The following WDR49 variants were observed in gnomAD, a reference collection of about 807,000 sequenced individuals.
WDR49 encodes cilia- and flagella-associated protein 337.
Under a neutral mutation model 119.5 loss-of-function variants are expected in WDR49, and 107 were observed. The observed-to-expected ratio is 0.90, with a 90% CI of 0.77 to 1.05. WDR49 has a LOEUF of 1.05. WDR49 is among the 50% of genes least tolerant of loss of function. The pLI is 0.00. For synonymous variants in WDR49, 425 were observed against 418.8 expected (o/e 1.01, Z -0.18); for missense variants, 1,240 against 1,220.5 (o/e 1.02, Z -0.24).
At chr3:167,609,179 G>A (rs991748367) in intron 5 of WDR49, among the ~76,000 whole-genome samples, 2 of 150,742 alleles carry the variant, frequency 1.3e-5, no homozygotes, top group Admixed American at 6.6e-5. Context: ...CCCCTGCAAG[G>A]ACACCAAGTT....
chr3:167,635,028 C>A (rs1391526016), intron 2 of WDR49, among the ~76,000 whole-genome samples: 1 of 151,538 alleles, frequency 6.6e-6, no homozygotes, highest in Non-Finnish European at 1.5e-5. Context: ...AATGGCTGCA[C>A]AATATTTTAT....
chr3:167,644,180 G>T (rs966074142), intron 2 of WDR49, among the ~76,000 whole-genome samples: 9 of 151,462 alleles, frequency 5.9e-5, no homozygotes, highest in Non-Finnish European at 1.2e-4. Flanking sequence ...TGAGTATAAG[G>T]ACATAGTATC....
chr3:167,553,022 C>A (rs1712665942), intron 10 of WDR49, among the ~76,000 whole-genome samples: 3 of 152,020 alleles, frequency 2.0e-5, no homozygotes. Flanking sequence ...GCTTAACGGT[C>A]CATCCTCCTG....
intron 5 of WDR49, among the ~76,000 whole-genome samples, chr3:167,607,608 AC>A (rs2108310942): frequency 6.6e-6 from 1 of 152,104 alleles, no homozygotes; most frequent in African/African-American, 2.4e-5. Flanking sequence ...ATGAGACTGA[AC>A]CCAGTCCTGT....
At chr3:167,596,369 G>A (rs1369566397) in intron 7 of WDR49, among the ~76,000 whole-genome samples, 31 of 149,474 alleles carry the variant, frequency 2.1e-4, no homozygotes, top group African/African-American at 7.1e-4. Context: ...CCCATTACTG[G>A]GTATATACCC....
At position 167,626,923 on chromosome 3, in the gene WDR49, T is replaced by G; in HGVS notation, c.535A>C (p.Ile179Leu). ...TTGAGCTTGGTGGCATCTGAAGTGA[T>G]GGGGAATGTTTCTTGCAGCTTTAAA... ...EHLKLQETFPITSDATKLKHL... is the reference protein window; with the variant it reads ...EHLKLQETFPLTSDATKLKHL... The change falls in exon 3 of 19, where the codon ATC (isoleucine) becomes CTC (leucine). Residue 179 changes from isoleucine (I) to leucine (L), a missense_variant. Ile to Leu is a conservative substitution (Grantham distance 5). Transcript: ENST00000682715. 1 of 1,294,930 alleles carries G rather than the reference T, an allele frequency of 7.7e-7. No homozygotes were observed. Among genetic ancestry groups the G allele is most frequent in the Non-Finnish European group, 9.8e-7 (1 of 1,022,708 alleles). The allele number at this position is 1,294,930 out of a possible 1,614,324, so 80.2% of individuals were successfully genotyped here.
chr3:167,551,637 C>T (rs61362670), intron 10 of WDR49, among the ~76,000 whole-genome samples: 11,404 of 151,874 alleles, frequency 0.075, 796 homozygotes, highest in African/African-American at 0.18. Flanking sequence ...GCTTCGGTAG[C>T]CTCCCTTGTA....
intron 16 of WDR49, among the ~76,000 whole-genome samples, chr3:167,514,628 GACACACACACACACACACACACACACAC>G (rs59265631): frequency 7.1e-6 from 1 of 140,932 alleles, no homozygotes; most frequent in South Asian, 2.4e-4. Flanking sequence ...AGGAGATGCA[GACACACACACACACACACACACACACAC>G]ACACACACAC....
intron 5 of WDR49, among the ~76,000 whole-genome samples, chr3:167,616,611 TAGAGTCCTATTAAAAAAAAGAGAG>T (rs1336789037): frequency 6.6e-6 from 1 of 150,522 alleles, no homozygotes; most frequent in African/African-American, 2.5e-5. Flanking sequence ...GGCAAATAAT[TAGAGTCCTATTAAAAAAAAGAGAG>T]AGAGAGAGAA....
rs1718502338 is a variant in WDR49, at chr3:167,653,891, G to T, written c.-132C>A. On this transcript the variant is annotated 5_prime_UTR_variant, in exon 1 of 19. Coordinates refer to ENST00000682715, the MANE Select transcript of WDR49 (RefSeq NM_001366157.1). Reference sequence around the variant, plus strand: ...TCCACTTTCTTGTCTGGAAGAGTTAGATGACAAAGCTGCAGAGTTTCCCTA... The same window carrying T: ...TCCACTTTCTTGTCTGGAAGAGTTATATGACAAAGCTGCAGAGTTTCCCTA... 1 of 153,822 alleles carries T rather than the reference G, an allele frequency of 6.5e-6. No individual in the cohort carries two copies. The highest frequency in any genetic ancestry group is 6.4e-5 in the Admixed American group (1 of 15,618). 9.5% of individuals were successfully genotyped at this position (153,822 alleles called of 1,614,324 possible).
Position 167,527,874 on chromosome 3 carries a change from G to A in WDR49, c.2550C>T (p.Asp850=). ...AGACACCAGTCACACAAATACTGCA[G>A]TCTGCAGAGGAGGAGATAATCAGTA... The part of the protein sequence containing the change: ...GQLLIISSSA[D]CSICVTGVCN... The change falls in exon 15 of 19, where the codon GAC becomes GAT. Residue 850 remains aspartate (D), a synonymous_variant. Coordinates refer to ENST00000682715, the MANE Select transcript of WDR49 (RefSeq NM_001366157.1). 1.2e-6 allele frequency: 2 copies of A among 1,613,130 alleles called. No homozygotes were observed. Among genetic ancestry groups the A allele is most frequent in the Non-Finnish European group, 1.7e-6 (2 of 1,179,454 alleles).
intron 16 of WDR49, among the ~76,000 whole-genome samples, chr3:167,508,232 G>C (rs1447716484): frequency 5.9e-5 from 9 of 152,114 alleles, no homozygotes; most frequent in Non-Finnish European, 1.3e-4. Flanking sequence ...ATATTTGATG[G>C]CTTGACTCAG....
At chr3:167,624,380 C>T (rs949516035) in intron 3 of WDR49, among the ~76,000 whole-genome samples, 1 of 151,214 alleles carries the variant, frequency 6.6e-6, no homozygotes, top group Admixed American at 6.6e-5. Context: ...GGAGTACACA[C>T]AGTATGGTAC....
intron 10 of WDR49, among the ~76,000 whole-genome samples, chr3:167,554,255 T>C (rs371214826): frequency 1.2e-4 from 19 of 152,288 alleles, no homozygotes; most frequent in East Asian, 7.7e-4. Flanking sequence ...CAGGACTCAG[T>C]TGGCTATTTC....
At chr3:167,495,605 G>A (rs1427386521) in intron 18 of WDR49, among the ~76,000 whole-genome samples, 1 of 151,816 alleles carries the variant, frequency 6.6e-6, no homozygotes, top group Non-Finnish European at 1.5e-5. Flanking sequence ...ACAGAAGAGA[G>A]CAGGAATGAG....
intron 7 of WDR49, among the ~76,000 whole-genome samples, chr3:167,594,677 C>T (rs1247087248): frequency 3.3e-5 from 5 of 152,044 alleles, no homozygotes; most frequent in African/African-American, 1.2e-4. Flanking sequence ...ACCCTTCATG[C>T]TAAAAACTCT....
intron 10 of WDR49, among the ~76,000 whole-genome samples, chr3:167,550,952 T>C (rs1712522718): frequency 2.6e-5 from 4 of 151,994 alleles, no homozygotes; most frequent in Admixed American, 6.6e-5. Flanking sequence ...TTTAGCAACA[T>C]AAATATGGCC....
chr3:167,643,347 G>T (rs1187885281), intron 2 of WDR49, among the ~76,000 whole-genome samples: 1 of 152,048 alleles, frequency 6.6e-6, no homozygotes, highest in Admixed American at 6.6e-5. Context: ...GAATCTAACA[G>T]TAAAGAATCA....
At chr3:167,657,090 C>T (rs1369379953), upstream of WDR49, among the ~76,000 whole-genome samples, 2 of 152,140 alleles carry the variant, frequency 1.3e-5, no homozygotes, top group Non-Finnish European at 1.5e-5. Context: ...CTCTCTCCTT[C>T]CCCCACAATT....
Sources: allele counts gnomAD v4.1 joint callset (sites outside exome capture counted in the v4.1 genomes callset), GRCh38; gene constraint gnomAD v4.1.1; transcripts MANE v1.5; gene names NCBI Gene and HGNC (gene_info 2026-07-23, HGNC 2026-07-21).